The following NFXL1 variants were observed in gnomAD, a reference collection of about 807,000 sequenced individuals.
The protein encoded by NFXL1 is nuclear transcription factor, X-box binding like 1, also known as NF-X1-type zinc finger protein NFXL1.
NFXL1 carries 66 observed loss-of-function variants against 123.3 expected under a neutral mutation model. The ratio of observed to expected loss-of-function variants is 0.54; its 90% CI spans 0.44 to 0.66. The LOEUF (loss-of-function observed/expected upper bound fraction) is 0.66, where lower values mean the gene tolerates loss of function less well. Ranked by LOEUF, NFXL1 falls within the 30% of genes least tolerant of loss-of-function variation. The pLI is 0.00. For missense variants in NFXL1, 944 were observed against 1,125.6 expected, an observed-to-expected ratio of 0.84 and a Z score of 2.31; for synonymous variants, 346 against 360.8, an observed-to-expected ratio of 0.96 and a Z score of 0.46.
At chr4:47,864,318 C>T (rs887633203) in intron 18 of NFXL1, among the ~76,000 whole-genome samples, 2 of 152,142 alleles carry the variant, frequency 1.3e-5, no homozygotes, top group African/African-American at 2.4e-5. Flanking sequence ...TTTTCGTCCA[C>T]GGTTCTTGGC....
intron 5 of NFXL1, among the ~76,000 whole-genome samples, chr4:47,901,037 A>G (rs918447766): frequency 6.6e-6 from 1 of 152,240 alleles, no homozygotes; most frequent in Non-Finnish European, 1.5e-5. Flanking sequence ...ATACCTTAAC[A>G]CTGCCCATCA....
At chr4:47,872,511 C>T (rs1735511187) in intron 18 of NFXL1, among the ~76,000 whole-genome samples, 1 of 151,644 alleles carries the variant, frequency 6.6e-6, no homozygotes, top group Non-Finnish European at 1.5e-5. Flanking sequence ...CAACTACTGG[C>T]ATAGCTCAGA....
At chr4:47,907,970 T>C (rs1257647403) in intron 3 of NFXL1, among the ~76,000 whole-genome samples, 1 of 152,220 alleles carries the variant, frequency 6.6e-6, no homozygotes, top group Non-Finnish European at 1.5e-5. Context: ...CCAAACTTCC[T>C]AATCTTAATT....
chr4:47,874,361 T>C (rs1411146779), intron 18 of NFXL1, among the ~76,000 whole-genome samples: 2 of 152,212 alleles, frequency 1.3e-5, no homozygotes, highest in Non-Finnish European at 2.9e-5. Context: ...TCCTTTCACT[T>C]GAACACTTAG....
intron 5 of NFXL1, among the ~76,000 whole-genome samples, chr4:47,902,421 C>T (rs1224603703): frequency 1.3e-5 from 2 of 151,888 alleles, no homozygotes; most frequent in Non-Finnish European, 2.9e-5. Context: ...AAATAATCAT[C>T]AATAATAAGC....
At chr4:47,849,404 G>A (rs1167281155) in intron 22 of NFXL1, among the ~76,000 whole-genome samples, 1 of 151,998 alleles carries the variant, frequency 6.6e-6, no homozygotes, top group East Asian at 1.9e-4. Context: ...TAAGACAATA[G>A]TTAAAATATA....
chr4:47,855,337 TTATA>T (rs1293210902), intron 19 of NFXL1, among the ~76,000 whole-genome samples, 174 bp from the exon 20 acceptor site: 1 of 149,304 alleles, frequency 6.7e-6, no homozygotes, highest in Non-Finnish European at 1.5e-5. Context: ...TTAATTACAC[TTATA>T]TAATTTAATT....
intron 9 of NFXL1, 140 bp downstream of exon 9, chr4:47,897,827 C>CT: frequency 1.7e-6 from 1 of 571,822 alleles, no homozygotes; most frequent in South Asian, 2.7e-5. Flanking sequence ...TAGTTGGGGG[C>CT]TTAAATTTTG....
intron 18 of NFXL1, among the ~76,000 whole-genome samples, chr4:47,869,255 A>G (rs1477929291): frequency 2.6e-5 from 4 of 152,122 alleles, no homozygotes; most frequent in Non-Finnish European, 5.9e-5. Context: ...AAAGAAACAC[A>G]CTAATAATAT....
intron 17 of NFXL1, chr4:47,876,880 A>C (rs1180612080): frequency 3.0e-6 from 1 of 328,312 alleles, no homozygotes; most frequent in Non-Finnish European, 6.0e-6. Context: ...ACAAGAAAGA[A>C]ATCAAGCATG....
intron 3 of NFXL1, among the ~76,000 whole-genome samples, chr4:47,909,801 G>C (rs1453579071): frequency 6.6e-6 from 1 of 151,964 alleles, no homozygotes; most frequent in Non-Finnish European, 1.5e-5. Flanking sequence ...TGGGATTACA[G>C]GTGTGTGCCA....
intron 3 of NFXL1, among the ~76,000 whole-genome samples, chr4:47,909,866 G>A (rs1317316789): frequency 6.6e-6 from 1 of 151,880 alleles, no homozygotes; most frequent in East Asian, 1.9e-4. Flanking sequence ...TCACCATGTT[G>A]GCCAGGCTGG....
At chr4:47,859,644 C>T (rs902173426) in intron 19 of NFXL1, among the ~76,000 whole-genome samples, 1 of 151,872 alleles carries the variant, frequency 6.6e-6, no homozygotes, top group African/African-American at 2.4e-5. Context: ...GGTTCAAGAC[C>T]AGCCTAGCCA....
At chr4:47,874,988 T>A (rs572087811) in intron 18 of NFXL1, 139 bp downstream of exon 18, 1 of 473,602 alleles carries the variant, frequency 2.1e-6, no homozygotes. Context: ...GTATTCTACA[T>A]GTCTTCCTTC....
chr4:47,897,292 A>C (rs1270755513), intron 9 of NFXL1, among the ~76,000 whole-genome samples: 1 of 152,194 alleles, frequency 6.6e-6, no homozygotes, highest in Non-Finnish European at 1.5e-5. Context: ...AGCCTGGGCG[A>C]CAGGATAAAA....
At chr4:47,857,633 T>G (rs1156874144) in intron 19 of NFXL1, among the ~76,000 whole-genome samples, 2 of 152,160 alleles carry the variant, frequency 1.3e-5, no homozygotes, top group Admixed American at 6.5e-5. Flanking sequence ...AACCCTTCAT[T>G]TGACCCTGCC....
intron 19 of NFXL1, among the ~76,000 whole-genome samples, chr4:47,859,853 AAAAAAAAAAAAAAAAAACAAACAAAC>A (rs1734636876): frequency 7.2e-6 from 1 of 138,590 alleles, no homozygotes; most frequent in African/African-American, 2.8e-5. Flanking sequence ...AAAAAAAAAA[AAAAAAAAAAAAAAAAAACAAACAAAC>A]AAAAAAAGTA....
chr4:47,848,460 T>C (rs984719204), intron 22 of NFXL1, 124 bp from the exon 23 acceptor site: 3 of 721,724 alleles, frequency 4.2e-6, no homozygotes, highest in Non-Finnish European at 6.5e-6. Flanking sequence ...ATATATTGAT[T>C]TGATTTTTTA....
chr4:47,890,047 A>T (rs991049547), intron 12 of NFXL1, among the ~76,000 whole-genome samples: 3 of 152,078 alleles, frequency 2.0e-5, no homozygotes, highest in South Asian at 2.1e-4. Context: ...TGCTATTTTT[A>T]AAAAATAATA....
Sources: allele counts gnomAD v4.1 joint callset (sites outside exome capture counted in the v4.1 genomes callset), GRCh38; gene constraint gnomAD v4.1.1; transcripts MANE v1.5; gene names NCBI Gene and HGNC (gene_info 2026-07-23, HGNC 2026-07-21).